The following EPHB1 variants were observed in gnomAD, a reference collection of about 807,000 sequenced individuals.
EPHB1 encodes the protein ephrin type-B receptor 1.
EPHB1 carries 30 observed loss-of-function variants against 94.4 expected under a neutral mutation model. That is an observed-to-expected ratio of 0.32 (90% CI 0.24 to 0.43). The LOEUF (loss-of-function observed/expected upper bound fraction) is 0.43, where lower values mean the gene tolerates loss of function less well. EPHB1 is among the 20% of genes least tolerant of loss of function. The probability of loss-of-function intolerance (pLI) is 1.00; values close to 1 mark genes in which losing one functional copy is unlikely to be tolerated. For missense variants in EPHB1, 1,055 were observed against 1,308.3 expected, an observed-to-expected ratio of 0.81 and a Z score of 2.99; for synonymous variants, 522 against 489.1, an observed-to-expected ratio of 1.07 and a Z score of -0.89.
chr3:135,167,071 T>G, intron 9 of EPHB1, 65 bp downstream of exon 9: 4 of 1,570,774 alleles, frequency 2.5e-6, no homozygotes, highest in Non-Finnish European at 3.5e-6. Flanking sequence ...GGGCTAGTGC[T>G]CAGAGCTCTC....
At chr3:135,257,102 C>CTAGT (rs1933430519) in intron 15 of EPHB1, among the ~76,000 whole-genome samples, 1 of 149,222 alleles carries the variant, frequency 6.7e-6, no homozygotes, top group African/African-American at 2.5e-5. Context: ...ATTGGTTATT[C>CTAGT]TAGTTATACA....
At chr3:135,223,193 C>T (rs564747885) in intron 12 of EPHB1, among the ~76,000 whole-genome samples, 1 of 152,146 alleles carries the variant, frequency 6.6e-6, no homozygotes, top group South Asian at 2.1e-4. Context: ...GTAGGCTCAC[C>T]CATTATATAT....
At chr3:134,981,049 C>A (rs187355410) in intron 3 of EPHB1, among the ~76,000 whole-genome samples, 3 of 152,312 alleles carry the variant, frequency 2.0e-5, no homozygotes, top group Non-Finnish European at 4.4e-5. Flanking sequence ...TCAGACCTTA[C>A]AGGATCATCT....
At chr3:135,055,568 C>A (rs1937324773) in intron 3 of EPHB1, among the ~76,000 whole-genome samples, 1 of 152,236 alleles carries the variant, frequency 6.6e-6, no homozygotes, top group Non-Finnish European at 1.5e-5. Context: ...CTGCTCCTGA[C>A]ACACGTCACC....
At chr3:135,089,620 C>A (rs1178211139) in intron 3 of EPHB1, among the ~76,000 whole-genome samples, 2 of 152,146 alleles carry the variant, frequency 1.3e-5, no homozygotes, top group Non-Finnish European at 2.9e-5. Flanking sequence ...GCTGGCCTGA[C>A]CGTAAAGCCT....
chr3:134,965,231 ATT>A (rs1157537816), intron 3 of EPHB1, among the ~76,000 whole-genome samples: 11 of 152,110 alleles, frequency 7.2e-5, no homozygotes, highest in African/African-American at 2.7e-4. Context: ...CTTCTAACAT[ATT>A]TTGAATCTTT....
At chr3:135,024,037 C>T (rs1471615983) in intron 3 of EPHB1, among the ~76,000 whole-genome samples, 4 of 152,136 alleles carry the variant, frequency 2.6e-5, no homozygotes, top group Admixed American at 2.0e-4. Context: ...AAAGGGGCCC[C>T]GCTGCAACTT....
At chr3:134,943,998 G>A (rs7636391) in intron 2 of EPHB1, among the ~76,000 whole-genome samples, 68,228 of 152,058 alleles carry the variant, frequency 0.45, 15,864 homozygotes, top group Middle Eastern at 0.56. Context: ...GTGTATTAAA[G>A]TTTTAATCAA....
intron 3 of EPHB1, among the ~76,000 whole-genome samples, chr3:135,095,519 A>G (rs536535922): frequency 6.6e-6 from 1 of 152,070 alleles, no homozygotes. Flanking sequence ...AACCAGTGTG[A>G]TCCTTTAGAA....
At chr3:135,174,188 G>T (rs1015437818) in intron 9 of EPHB1, among the ~76,000 whole-genome samples, 41 of 152,236 alleles carry the variant, frequency 2.7e-4, no homozygotes, top group Admixed American at 1.8e-3. Context: ...CAGTACATCT[G>T]TCCCCTGCTG....
chr3:134,811,242 G>GGTTTTTTTTTTTTTTTTTTTTTTTTTT (rs2036168294), intron 1 of EPHB1, among the ~76,000 whole-genome samples: 3 of 73,848 alleles, frequency 4.1e-5, no homozygotes, highest in African/African-American at 1.3e-4. Context: ...TACTAAGAAG[G>GGTTTTTTTTTTTTTTTTTTTTTTTTTT]TTTTTTTTTT....
At chr3:134,865,720 T>A (rs1330265667) in intron 1 of EPHB1, among the ~76,000 whole-genome samples, 1 of 151,158 alleles carries the variant, frequency 6.6e-6, no homozygotes, top group Non-Finnish European at 1.5e-5. Flanking sequence ...ATTGCCAAGA[T>A]GAATAAAGTC....
chr3:134,808,908 G>T (rs1315018441), intron 1 of EPHB1, among the ~76,000 whole-genome samples: 1 of 152,250 alleles, frequency 6.6e-6, no homozygotes, highest in Non-Finnish European at 1.5e-5. Context: ...GAAGAACAAT[G>T]GGCGAAGAGC....
chr3:134,836,823 G>A (rs559787167), intron 1 of EPHB1, among the ~76,000 whole-genome samples: 221 of 152,232 alleles, frequency 1.5e-3, no homozygotes, highest in Middle Eastern at 6.8e-3. Context: ...TTCATTGACC[G>A]GAAAAGAAAT....
At chr3:135,255,993 G>A (rs1235606654) in intron 15 of EPHB1, among the ~76,000 whole-genome samples, 1 of 149,892 alleles carries the variant, frequency 6.7e-6, no homozygotes, top group Non-Finnish European at 1.5e-5. Context: ...TGTCTCTTTT[G>A]ATCTTTGTTG....
At chr3:134,817,334 C>G (rs1485236222) in intron 1 of EPHB1, among the ~76,000 whole-genome samples, 2 of 152,194 alleles carry the variant, frequency 1.3e-5, no homozygotes, top group Non-Finnish European at 2.9e-5. Flanking sequence ...GTCGTCACAG[C>G]TCCTTCACCG....
chr3:135,244,667 G>C (rs1330189290), intron 13 of EPHB1, among the ~76,000 whole-genome samples: 2 of 152,162 alleles, frequency 1.3e-5, no homozygotes, highest in African/African-American at 4.8e-5. Flanking sequence ...GTGTGACAGA[G>C]AATGATTTCA....
intron 3 of EPHB1, among the ~76,000 whole-genome samples, chr3:135,020,519 C>T (rs187968596): frequency 6.6e-6 from 1 of 152,356 alleles, no homozygotes; most frequent in African/African-American, 2.4e-5. Context: ...TAAATGGAAT[C>T]ATGCGCTATA....
chr3:134,975,779 CA>C (rs113692890), intron 3 of EPHB1, among the ~76,000 whole-genome samples: 96,209 of 151,434 alleles, frequency 0.64, 32,506 homozygotes, highest in African/African-American at 0.85. Context: ...TTTAAGAGGG[CA>C]GGGGGGGAGT....
Sources: gnomAD v4.1 joint callset for allele counts (sites outside exome capture counted in the v4.1 genomes callset) on GRCh38, gnomAD v4.1.1 for gene constraint, MANE v1.5 for transcripts, NCBI Gene and HGNC (gene_info 2026-07-23, HGNC 2026-07-21) for gene names.